The following LEP variants were observed in gnomAD, a reference collection of about 807,000 sequenced individuals.
LEP encodes the protein leptin, also known as leptin (murine obesity homolog).
LEP carries 6 observed loss-of-function variants against 9.8 expected under a neutral mutation model. The observed-to-expected ratio is 0.61, with a 90% CI of 0.34 to 1.21. The LOEUF is 1.21. Ranked by LOEUF, LEP falls within the 50% of genes most tolerant of loss-of-function variation. LEP has a pLI of 0.04. For missense variants in LEP, 134 were observed against 198.1 expected, an observed-to-expected ratio of 0.68 and a Z score of 1.94; for synonymous variants, 112 against 81.7, an observed-to-expected ratio of 1.37 and a Z score of -2.00.
At position 128,254,970 on chromosome 7, in the gene LEP, T is replaced by C; in HGVS notation, c.*207T>C. On this transcript the variant is annotated 3_prime_UTR_variant, in exon 3 of 3. Coordinates refer to ENST00000308868, the MANE Select transcript of LEP (RefSeq NM_000230.3). ...CCAAAGATATATACACAGGATCCTA[T>C]TCTCACCAGGAAGGGGGTCCACCCA... The C allele has an allele frequency of 1.9e-6, 1 of 517,976 alleles. No individual in the cohort carries two copies. The highest frequency in any genetic ancestry group is 3.5e-6 in the Non-Finnish European group (1 of 283,996). 32.1% of individuals were successfully genotyped at this position (517,976 alleles called of 1,614,324 possible). A position where few individuals can be genotyped will look rare whatever the true frequency, so the allele number is the denominator to read the frequency against.
rs104894023 is a variant in LEP at position 128,254,572 on chromosome 7, C to T, written c.313C>T (p.Arg105Trp). 4 of 1,614,182 alleles carry T rather than the reference C, an allele frequency of 2.5e-6. No homozygotes were observed. Among genetic ancestry groups the T allele is most frequent in the Non-Finnish European group, 2.5e-6 (3 of 1,180,018 alleles). The change falls in exon 3 of 3, where the codon CGG (arginine) becomes TGG (tryptophan). Residue 105 changes from arginine (R) to tryptophan (W), a missense_variant. Transcript: ENST00000308868. The part of the protein sequence containing the change: ...IQISNDLENL[R>W]DLLHVLAFSK... ...AATATCCAACGACCTGGAGAACCTCCGGGATCTTCTTCACGTGCTGGCCTT... is the reference window on the plus strand; with the variant it reads ...AATATCCAACGACCTGGAGAACCTCTGGGATCTTCTTCACGTGCTGGCCTT...
intron 1 of LEP, among the ~76,000 whole-genome samples, 163 bp downstream of exon 1, chr7:128,241,469 A>G (rs1049369675): frequency 1.3e-5 from 2 of 152,272 alleles, no homozygotes; most frequent in Non-Finnish European, 2.9e-5. Context: ...CTAGCCAGAT[A>G]GAAGGTTACC....
rs60815271 is a variant in LEP at position 128,244,246 on chromosome 7, G to GACACAC, written c.-29+2970_-29+2975dup. On this transcript the variant is annotated intron_variant, in intron 1 of 2. Transcript: ENST00000308868. ...AGCCTGAGTGACAGAGCAAGACCCT[G>GACACAC]ACACACACACACACACACACACACA... Among the ~76,000 whole-genome samples the GACACAC allele has an allele frequency of 8.3e-3, 1,227 of 147,130 alleles. 13 individuals carry two copies. Among genetic ancestry groups the GACACAC allele is most frequent in the African/African-American group, 0.02 (786 of 39,976 alleles).
rs537154218 is a variant in LEP, at chr7:128,257,337, A to C, written c.*2574A>C. The C allele has an allele frequency of 1.3e-5, 2 of 151,918 alleles. No individual in the cohort carries two copies. Among genetic ancestry groups the C allele is most frequent in the South Asian group, 4.1e-4 (2 of 4,824 alleles). 9.4% of individuals were successfully genotyped at this position (151,918 alleles called of 1,614,324 possible). ...TGTAATCCCAGCACTTTGGGAGGCC[A>C]AGGTGGGGGGATCACAAGGTCACTA... On this transcript the variant is annotated 3_prime_UTR_variant, in exon 3 of 3. Coordinates refer to ENST00000308868, the MANE Select transcript of LEP (RefSeq NM_000230.3).
At chr7:128,252,852 C>T (rs1056895005) in intron 2 of LEP, among the ~76,000 whole-genome samples, 1 of 152,084 alleles carries the variant, frequency 6.6e-6, no homozygotes, top group African/African-American at 2.4e-5. Context: ...GAGTTCAAGA[C>T]CAGCCTGGGC....
chr7:128,241,343 G>C (rs1352287525), intron 1 of LEP, 37 bp downstream of exon 1: 1 of 153,694 alleles, frequency 6.5e-6, no homozygotes, highest in African/African-American at 2.4e-5. Flanking sequence ...CTTCTCTGCT[G>C]GTCTTTCTTG....
intron 2 of LEP, among the ~76,000 whole-genome samples, chr7:128,252,731 AAAATAAAT>A (rs71904498): frequency 6.6e-6 from 1 of 150,916 alleles, no homozygotes; most frequent in Non-Finnish European, 1.5e-5. Flanking sequence ...ACCTTGTCTC[AAAATAAAT>A]AAATAAATAA....
intron 1 of LEP, among the ~76,000 whole-genome samples, chr7:128,244,266 C>CACAT (rs1440928743): frequency 1.4e-5 from 2 of 147,034 alleles, no homozygotes; most frequent in Admixed American, 6.7e-5. Flanking sequence ...CACACACACA[C>CACAT]ACACACACAC....
Position 128,257,587 on chromosome 7 carries a change from T to A in LEP, c.*2824T>A, listed in dbSNP as rs1323256692. On this transcript the variant is annotated 3_prime_UTR_variant, in exon 3 of 3. Coordinates refer to ENST00000308868, the MANE Select transcript of LEP (RefSeq NM_000230.3). ...CGTCTTAAAAAAAAAAAAAAAAAAG[T>A]TTGTTTTTAAAAAAATCTAAATAAA... The A allele has an allele frequency of 7.7e-6, 1 of 130,138 alleles. No individual in the cohort carries two copies. The highest frequency in any genetic ancestry group is 1.7e-5 in the Non-Finnish European group (1 of 58,128). The allele number at this position is 130,138 out of a possible 1,614,324, so 8.1% of individuals were successfully genotyped here. A position where few individuals can be genotyped will look rare whatever the true frequency, so the allele number is the denominator to read the frequency against.
chr7:128,252,707 G>T (rs1795290131), intron 2 of LEP, among the ~76,000 whole-genome samples: 1 of 151,640 alleles, frequency 6.6e-6, no homozygotes, highest in Non-Finnish European at 1.5e-5. Context: ...CTCCAGCCTG[G>T]GTGACAGAGT....
chr7:128,253,378 T>G (rs1795297444), intron 2 of LEP, among the ~76,000 whole-genome samples: 2 of 152,254 alleles, frequency 1.3e-5, no homozygotes, highest in Non-Finnish European at 2.9e-5. Flanking sequence ...TCAGCCATTT[T>G]CCTGATGAGG....
At chr7:128,246,371 A>G (rs550980386) in intron 1 of LEP, among the ~76,000 whole-genome samples, 18 of 152,298 alleles carry the variant, frequency 1.2e-4, no homozygotes, top group Admixed American at 2.0e-4. Context: ...GTGGAGGTAG[A>G]CAGCAGAATT....
In LEP at chr7:128,254,901, A is replaced by G; in HGVS notation, c.*138A>G. On this transcript the variant is annotated 3_prime_UTR_variant, in exon 3 of 3. Coordinates refer to ENST00000308868, the MANE Select transcript of LEP (RefSeq NM_000230.3). ...TCAATTTCCCTGACTCCTCTAAGCC[A>G]CTCTTCCAAAGGCATAAGACCCTAA... 1.1e-6 allele frequency: 1 copy of G among 942,362 alleles called. No homozygotes were observed. The highest frequency in any genetic ancestry group is 1.4e-5 in the South Asian group (1 of 71,676). The allele number at this position is 942,362 out of a possible 1,614,324, so 58.4% of individuals were successfully genotyped here.
intron 1 of LEP, among the ~76,000 whole-genome samples, chr7:128,251,229 G>A (rs1795271179): frequency 6.6e-6 from 1 of 152,280 alleles, no homozygotes; most frequent in East Asian, 1.9e-4. Flanking sequence ...CCATTGACCT[G>A]TTTGTTTCTC....
Position 128,257,184 on chromosome 7 carries a change from C to G in LEP, c.*2421C>G, listed in dbSNP as rs1388230923. 1 of 151,986 alleles carries G rather than the reference C, an allele frequency of 6.6e-6. No homozygotes were observed. The highest frequency in any genetic ancestry group is 1.5e-5 in the Non-Finnish European group (1 of 68,022). 9.4% of individuals were successfully genotyped at this position (151,986 alleles called of 1,614,324 possible). On this transcript the variant is annotated 3_prime_UTR_variant, in exon 3 of 3. Coordinates refer to ENST00000308868, the MANE Select transcript of LEP (RefSeq NM_000230.3). ...CTAATCAGGCTGAGGTGTCTTAAGC[C>G]TTTTGCTCACAAAACCTGGCACAAT...
chr7:128,251,873 G>T, intron 1 of LEP, 118 bp from the exon 2 acceptor site: 1 of 809,176 alleles, frequency 1.2e-6, no homozygotes, highest in Non-Finnish European at 2.2e-6. Context: ...GGGGATGGTA[G>T]CCAGAGCAGA....
At position 128,248,967 on chromosome 7, in the gene LEP, TA is replaced by T. The variant is rs1468906910; in HGVS notation, c.-28-3022del. On this transcript the variant is annotated intron_variant, in intron 1 of 2. Coordinates refer to ENST00000308868, the MANE Select transcript of LEP (RefSeq NM_000230.3). Reference sequence around the variant, plus strand: ...AAATTGTATTAGGCTTGTACAAAAGTAATTGTGGTTTTTAAGAGTAATGGCA... The same window carrying T: ...AAATTGTATTAGGCTTGTACAAAAGTATTGTGGTTTTTAAGAGTAATGGCA... Among the ~76,000 whole-genome samples, 11 of 152,322 alleles carry T rather than the reference TA, an allele frequency of 7.2e-5. 1 individual carries two copies. Among genetic ancestry groups the T allele is most frequent in the African/African-American group, 2.6e-4 (11 of 41,568 alleles).
Position 128,252,027 on chromosome 7 carries a change from G to A in LEP, c.9G>A (p.Trp3Ter). 1 of 1,614,156 alleles carries A rather than the reference G, an allele frequency of 6.2e-7. No individual in the cohort carries two copies. MH[W>*]GTLCGFLWLW... is the part of the protein sequence containing the mutation. ...CCATCCTGGGAAGGAAAATGCATTGGGGAACCCTGTGCGGATTCTTGTGGC... is the reference window on the plus strand; with the variant it reads ...CCATCCTGGGAAGGAAAATGCATTGAGGAACCCTGTGCGGATTCTTGTGGC... Residue 3 changes from tryptophan (W) to a stop codon, truncating the protein, a stop_gained, in exon 2 of 3, where the codon TGG (tryptophan) becomes TGA (stop). Coordinates refer to ENST00000308868, the MANE Select transcript of LEP (RefSeq NM_000230.3). LOFTEE classifies it high-confidence loss of function.
chr7:128,250,099 G>C (rs908576683), intron 1 of LEP, among the ~76,000 whole-genome samples: 1 of 152,164 alleles, frequency 6.6e-6, no homozygotes, highest in African/African-American at 2.4e-5. Context: ...CATCTTGCCA[G>C]GAGACACAAA....
Sources: gnomAD v4.1 joint callset for allele counts (sites outside exome capture counted in the v4.1 genomes callset) on GRCh38, gnomAD v4.1.1 for gene constraint, MANE v1.5 for transcripts, NCBI Gene and HGNC (gene_info 2026-07-23, HGNC 2026-07-21) for gene names.